TMEM101: variants seen among roughly 807,000 people sequenced by gnomAD.
TMEM101 encodes putative NF-kappa-B-activating protein 130.
In TMEM101, 14 loss-of-function variants were observed where a neutral mutation model predicts 26.0. The observed-to-expected ratio is 0.54, with a 90% CI of 0.36 to 0.84. The LOEUF (loss-of-function observed/expected upper bound fraction) is 0.84, where lower values mean the gene tolerates loss of function less well. Ranked by LOEUF, TMEM101 falls within the 40% of genes least tolerant of loss-of-function variation. The pLI is 0.01. For missense variants in TMEM101, 292 were observed against 345.1 expected, an observed-to-expected ratio of 0.85 and a Z score of 1.22; for synonymous variants, 152 against 145.1, an observed-to-expected ratio of 1.05 and a Z score of -0.34.
intron 1 of TMEM101, among the ~76,000 whole-genome samples, chr17:44,021,730 T>G (rs1330514059): frequency 1.3e-5 from 2 of 152,210 alleles, no homozygotes; most frequent in Non-Finnish European, 2.9e-5. Flanking sequence ...CGGTGAGTTT[T>G]GGGAGAACTC....
At chr17:44,014,690 C>G (rs1435299872) in intron 1 of TMEM101, 126 bp downstream of exon 1, 2 of 1,503,246 alleles carry the variant, frequency 1.3e-6, no homozygotes, top group African/African-American at 2.8e-5. Flanking sequence ...GTCCGACACC[C>G]AGACCAGAAC....
At chr17:44,015,089 A>C, upstream of TMEM101, 1 of 1,246,878 alleles carries the variant, frequency 8.0e-7, no homozygotes, top group African/African-American at 1.5e-5. Flanking sequence ...TTCCGGATCT[A>C]AGGTGACCCA....
upstream of TMEM101, among the ~76,000 whole-genome samples, chr17:44,015,387 T>C (rs71371962): frequency 0.31 from 7,532 of 24,502 alleles, 644 homozygotes; most frequent in African/African-American, 0.36. Flanking sequence ...TTTTTTTTCT[T>C]TTTTTTTTGT....
In TMEM101 at chr17:44,011,222, G is replaced by A. The variant is rs2049153059; in HGVS notation, c.*706C>T. ...AAAATGTTTATTTTTGGAGGACTGT[G>A]TGGTCTGGTGTTTGGGAGGGAACTC... On this transcript the variant is annotated 3_prime_UTR_variant, in exon 4 of 4. Transcript: ENST00000206380. 6.6e-6 allele frequency: 1 copy of A among 152,264 alleles called. No individual in the cohort carries two copies. The highest frequency in any genetic ancestry group is 2.1e-4 in the South Asian group (1 of 4,836). 9.4% of individuals were successfully genotyped at this position (152,264 alleles called of 1,614,324 possible).
In TMEM101 at chr17:44,014,343, G is replaced by A. The variant is rs1202410587; in HGVS notation, c.318+14C>T. 1.3e-6 allele frequency: 2 copies of A among 1,544,086 alleles called. No homozygotes were observed. Among genetic ancestry groups the A allele is most frequent in the Non-Finnish European group, 1.8e-6 (2 of 1,141,182 alleles). On this transcript the variant is annotated intron_variant, in intron 2 of 3. Transcript: ENST00000206380. Reference sequence around the variant, plus strand: ...CACCCAGAGGGAAGACCCTTTTGGGGCCGAGGCGCTCACCTTCAGCCAGTC... The same window carrying A: ...CACCCAGAGGGAAGACCCTTTTGGGACCGAGGCGCTCACCTTCAGCCAGTC...
upstream of TMEM101, among the ~76,000 whole-genome samples, chr17:44,015,325 T>A (rs1344681341): frequency 6.6e-6 from 1 of 152,200 alleles, no homozygotes; most frequent in African/African-American, 2.4e-5. Context: ...CTAAACTTTA[T>A]GAGACTCATC....
At chr17:44,019,028 C>G (rs71371963), upstream of TMEM101, among the ~76,000 whole-genome samples, 7,556 of 152,138 alleles carry the variant, frequency 0.05, 655 homozygotes, top group African/African-American at 0.17. Flanking sequence ...TCCCTGTGGT[C>G]CCCCCACTCC....
chr17:44,013,847 A>G (rs1381990744), intron 2 of TMEM101, among the ~76,000 whole-genome samples: 2 of 152,144 alleles, frequency 1.3e-5, no homozygotes, highest in Non-Finnish European at 2.9e-5. Flanking sequence ...CTGTTCACAC[A>G]TCTTCCTCCC....
At chr17:44,022,938 G>A (rs181318368) in intron 1 of TMEM101, 105 of 160,420 alleles carry the variant, frequency 6.5e-4, no homozygotes, top group Non-Finnish European at 1.1e-3. Flanking sequence ...GATATAATAA[G>A]CGAATGATAT....
chr17:44,015,195 G>T (rs2049216679), upstream of TMEM101: 1 of 445,234 alleles, frequency 2.2e-6, no homozygotes, highest in Non-Finnish European at 4.0e-6. Context: ...GGAACAGTGG[G>T]TTCAGGATAG....
upstream of TMEM101, among the ~76,000 whole-genome samples, chr17:44,019,838 C>A (rs2049270321): frequency 6.6e-6 from 1 of 152,136 alleles, no homozygotes; most frequent in African/African-American, 2.4e-5. Flanking sequence ...AAACCACACC[C>A]CTCATGGCTT....
upstream of TMEM101, chr17:44,019,286 T>C: frequency 2.4e-6 from 1 of 417,394 alleles, no homozygotes; most frequent in Non-Finnish European, 4.7e-6. Context: ...AGCAACAGCC[T>C]GGGCTCGAGA....
chr17:44,016,493 T>G (rs2049233006), upstream of TMEM101, among the ~76,000 whole-genome samples: 1 of 152,156 alleles, frequency 6.6e-6, no homozygotes, highest in Admixed American at 6.6e-5. Flanking sequence ...ATTGTTTTAT[T>G]GACAATCTTC....
chr17:44,017,362 G>C (rs1422554620), upstream of TMEM101, among the ~76,000 whole-genome samples: 2 of 151,620 alleles, frequency 1.3e-5, no homozygotes, highest in African/African-American at 2.4e-5. Context: ...CACTTTGGGA[G>C]GCCAAGGATC....
chr17:44,016,125 GCACACACA>G (rs34740275), upstream of TMEM101, among the ~76,000 whole-genome samples: 1 of 147,946 alleles, frequency 6.8e-6, no homozygotes, highest in African/African-American at 2.5e-5. Flanking sequence ...AGATACACAC[GCACACACA>G]CACACACACA....
intron 1 of TMEM101, 34 bp from the exon 2 acceptor site, chr17:44,014,571 G>A: frequency 6.4e-7 from 1 of 1,561,150 alleles, no homozygotes; most frequent in Non-Finnish European, 8.7e-7. Context: ...AACGAGGACA[G>A]AATGAAGCGG....
At chr17:44,014,627 G>A in intron 1 of TMEM101, 90 bp from the exon 2 acceptor site, 1 of 1,525,356 alleles carries the variant, frequency 6.6e-7, no homozygotes, top group Middle Eastern at 1.8e-4. Context: ...AGGCTCCACT[G>A]CTCCCCCAAA....
rs139186093 is a variant in TMEM101 at position 44,014,862 on chromosome 17, A to G, written c.91T>C (p.Cys31Arg). The G allele has an allele frequency of 1.2e-6, 2 of 1,613,546 alleles. No individual in the cohort carries two copies. Among genetic ancestry groups the G allele is most frequent in the Non-Finnish European group, 1.7e-6 (2 of 1,179,704 alleles). Residue 31 changes from cysteine to arginine, a missense_variant, in exon 1 of 4, where the codon TGC (cysteine) becomes CGC (arginine). Physicochemically the swap from Cys to Arg is radical, Grantham distance 180 (BLOSUM62 -3). This residue lies in a region of TMEM101 where 143 missense variants were observed against 133.2 expected (regional missense o/e 1.07). Coordinates refer to ENST00000206380, the MANE Select transcript of TMEM101 (RefSeq NM_032376.4). ...GCGTACAGCATGAGCTGGCTGAAGC[A>G]GCCCCAAAAGGGGCAGCGTGTGAGC... ...VLLTRCPFWG[C>R]FSQLMLYAER...
At chr17:44,018,697 C>T (rs1030448163), upstream of TMEM101, among the ~76,000 whole-genome samples, 1 of 152,174 alleles carries the variant, frequency 6.6e-6, no homozygotes, top group African/African-American at 2.4e-5. Flanking sequence ...CCTATAGGCA[C>T]AATGCCCCAC....
Sources: gnomAD v4.1 joint callset for allele counts (sites outside exome capture counted in the v4.1 genomes callset) on GRCh38, gnomAD v4.1.1 for gene constraint, gnomAD v4.1.1 regional missense constraint, MANE v1.5 for transcripts, NCBI Gene and HGNC (gene_info 2026-07-23, HGNC 2026-07-21) for gene names.